The following WWC2 variants were observed in gnomAD, a reference collection of about 807,000 sequenced individuals.
WWC2 encodes the protein protein WWC2.
WWC2 carries 101 observed loss-of-function variants against 138.5 expected under a neutral mutation model. That is an observed-to-expected ratio of 0.73 (90% confidence interval 0.62 to 0.86). The LOEUF is 0.86. WWC2 is among the 40% of genes least tolerant of loss of function. The pLI, the probability that WWC2 is intolerant of heterozygous loss-of-function variation, is 0.00. For missense variants in WWC2, 1,420 were observed against 1,419.4 expected (o/e 1.00, Z -0.01); for synonymous variants, 558 against 538.4 (o/e 1.04, Z -0.50).
At chr4:183,165,278 G>T (rs1234241475) in intron 1 of WWC2, among the ~76,000 whole-genome samples, 1 of 152,116 alleles carries the variant, frequency 6.6e-6, no homozygotes, top group Non-Finnish European at 1.5e-5. Flanking sequence ...ACTGGGGTTT[G>T]GTGTGTGGAG....
chr4:183,214,291 T>C (rs1735686871), intron 4 of WWC2, among the ~76,000 whole-genome samples: 1 of 152,200 alleles, frequency 6.6e-6, no homozygotes. Context: ...AGACTCACTT[T>C]GAATTCGTTT....
Position 183,265,716 on chromosome 4 carries a change from A to T in WWC2, c.2068A>T (p.Ser690Cys), listed in dbSNP as rs1393147576. 1 of 1,611,768 alleles carries T rather than the reference A, an allele frequency of 6.2e-7. No individual in the cohort carries two copies. Among genetic ancestry groups the T allele is most frequent in the East Asian group, 2.2e-5 (1 of 44,854 alleles). The stretch of plus-strand genomic sequence containing the variant: ...TAGTGAAATGGAAGATGTCACATAC[A>T]GTGAAGAGGATGTAGCCATTGTAGA... ...QPSEMEDVTY[S>C]EEDVAIVETA... Residue 690 changes from serine (S) to cysteine (C), a missense_variant, in exon 13 of 23, where the codon AGT becomes TGT. Ser to Cys is a moderately radical substitution (Grantham distance 112, BLOSUM62 -1). Coordinates refer to ENST00000403733, the MANE Select transcript of WWC2 (RefSeq NM_024949.6).
At position 183,133,633 on chromosome 4, in the gene WWC2, A is replaced by T. The variant is rs141810228; in HGVS notation, c.131+34011A>T. Among the ~76,000 whole-genome samples, 554 of 152,210 alleles carry T rather than the reference A, an allele frequency of 3.6e-3. 3 individuals carry two copies. The highest frequency in any genetic ancestry group is 0.013 in the African/African-American group (529 of 41,534). ...TGCCTCAGCCTCCCGAGTAACTAGG[A>T]TTACAGATGCCCACCACCACGCCCA... On this transcript the variant is annotated intron_variant, in intron 1 of 22. Coordinates refer to ENST00000403733, the MANE Select transcript of WWC2 (RefSeq NM_024949.6).
chr4:183,228,632 T>G (rs560592323), intron 4 of WWC2, among the ~76,000 whole-genome samples: 30 of 152,212 alleles, frequency 2.0e-4, no homozygotes, highest in Non-Finnish European at 3.4e-4. Context: ...ACAAAGCTGT[T>G]TCCCACCTTT....
At chr4:183,286,472 G>T (rs1738257535) in intron 20 of WWC2, among the ~76,000 whole-genome samples, 1 of 152,152 alleles carries the variant, frequency 6.6e-6, no homozygotes, top group African/African-American at 2.4e-5. Context: ...GGAACACACA[G>T]TTTTTGTAGC....
At chr4:183,177,329 T>C (rs887819074) in intron 1 of WWC2, among the ~76,000 whole-genome samples, 2 of 152,250 alleles carry the variant, frequency 1.3e-5, no homozygotes, top group African/African-American at 4.8e-5. Flanking sequence ...CTAAGGATCA[T>C]GCATGATCTG....
intron 1 of WWC2, among the ~76,000 whole-genome samples, chr4:183,123,436 T>TGTGTGTGTG (rs1470885602): frequency 6.6e-6 from 1 of 151,822 alleles, no homozygotes; most frequent in Admixed American, 6.6e-5. Flanking sequence ...TGTGTGTGTA[T>TGTGTGTGTG]TTCATGTAAA....
At chr4:183,312,619 TGAG>T (rs1381812670) in intron 22 of WWC2, among the ~76,000 whole-genome samples, 151 bp downstream of exon 22, 1 of 152,142 alleles carries the variant, frequency 6.6e-6, no homozygotes, top group Admixed American at 6.5e-5. Context: ...CATTTGCACC[TGAG>T]GTGATAAATG....
intron 4 of WWC2, among the ~76,000 whole-genome samples, chr4:183,221,113 A>G (rs755859712): frequency 6.6e-6 from 1 of 152,252 alleles, no homozygotes; most frequent in Non-Finnish European, 1.5e-5. Context: ...AATATTCAAG[A>G]AGATATATCA....
chr4:183,197,039 TA>T (rs1253350617), intron 2 of WWC2, among the ~76,000 whole-genome samples: 1 of 152,220 alleles, frequency 6.6e-6, no homozygotes, highest in Non-Finnish European at 1.5e-5. Context: ...GGGCAACTAG[TA>T]TAATGATAAA....
At chr4:183,148,210 AG>A (rs1050795929) in intron 1 of WWC2, among the ~76,000 whole-genome samples, 1 of 152,210 alleles carries the variant, frequency 6.6e-6, no homozygotes, top group African/African-American at 2.4e-5. Context: ...TGGGATATAA[AG>A]TACTAATGAA....
At chr4:183,116,191 GGTGT>G (rs1297828199) in intron 1 of WWC2, among the ~76,000 whole-genome samples, 2 of 152,030 alleles carry the variant, frequency 1.3e-5, no homozygotes, top group African/African-American at 2.4e-5. Flanking sequence ...ATGTTCCATT[GGTGT>G]GTGTGTCTGT....
At chr4:183,314,145 T>C (rs889107037) in intron 22 of WWC2, among the ~76,000 whole-genome samples, 3 of 152,036 alleles carry the variant, frequency 2.0e-5, no homozygotes. Flanking sequence ...TCACAGCTCT[T>C]TCATTTTTCT....
intron 1 of WWC2, among the ~76,000 whole-genome samples, chr4:183,108,646 T>C (rs1732123562): frequency 6.6e-6 from 1 of 152,136 alleles, no homozygotes; most frequent in African/African-American, 2.4e-5. Flanking sequence ...AGCCTCACTC[T>C]TTCACCCAGG....
At chr4:183,117,823 T>C (rs1009773329) in intron 1 of WWC2, among the ~76,000 whole-genome samples, 3 of 151,036 alleles carry the variant, frequency 2.0e-5, no homozygotes, top group East Asian at 2.0e-4. Context: ...AGTCTCGCTC[T>C]GTCGCCCAGG....
At chr4:183,158,463 A>G (rs1185703664) in intron 1 of WWC2, among the ~76,000 whole-genome samples, 2 of 151,632 alleles carry the variant, frequency 1.3e-5, no homozygotes, top group Middle Eastern at 3.4e-3. Flanking sequence ...GTGTCTTCAC[A>G]TGGTCTTTCC....
chr4:183,140,710 A>G (rs546606196), intron 1 of WWC2, among the ~76,000 whole-genome samples: 2 of 152,320 alleles, frequency 1.3e-5, no homozygotes, highest in South Asian at 2.1e-4. Flanking sequence ...TATTAATAAG[A>G]CCTTGGAAGA....
At chr4:183,122,401 A>G (rs1486420710) in intron 1 of WWC2, among the ~76,000 whole-genome samples, 2 of 152,332 alleles carry the variant, frequency 1.3e-5, no homozygotes, top group South Asian at 2.1e-4. Flanking sequence ...TCTGTATTTC[A>G]TAGTGGATTA....
intron 22 of WWC2, 139 bp downstream of exon 22, chr4:183,312,607 T>C: frequency 7.7e-7 from 1 of 1,303,376 alleles, no homozygotes; most frequent in South Asian, 1.5e-5. Context: ...TATATAATTT[T>C]CCATTTGCAC....
Sources: gnomAD v4.1 joint callset for allele counts (sites outside exome capture counted in the v4.1 genomes callset) on GRCh38, gnomAD v4.1.1 for gene constraint, MANE v1.5 for transcripts, NCBI Gene and HGNC (gene_info 2026-07-23, HGNC 2026-07-21) for gene names.